The following L3MBTL3 variants were observed in gnomAD, a reference collection of about 807,000 sequenced individuals.
The protein encoded by L3MBTL3 is lethal(3)malignant brain tumor-like protein 3.
In L3MBTL3, 27 loss-of-function variants were observed where a neutral mutation model predicts 102.3. The observed-to-expected ratio is 0.26, with a 90% CI of 0.19 to 0.36. L3MBTL3 has a LOEUF of 0.36. Ranked by LOEUF, L3MBTL3 falls within the 10% of genes least tolerant of loss-of-function variation. The pLI, the probability that L3MBTL3 is intolerant of heterozygous loss-of-function variation, is 1.00. For missense variants in L3MBTL3, 798 were observed against 955.3 expected (o/e 0.84, Z 2.17); for synonymous variants, 340 against 320.9 (o/e 1.06, Z -0.64).
At position 130,118,753 on chromosome 6, in the gene L3MBTL3, A is replaced by G. The variant is rs563745664; in HGVS notation, c.1887-2126A>G. Among the ~76,000 whole-genome samples the G allele has an allele frequency of 2.0e-5, 3 of 152,336 alleles. No individual in the cohort carries two copies. The South Asian group carries it at 6.2e-4, about 32-fold the overall frequency. Reference sequence around the variant, plus strand: ...TTAAAACTGGGACAGTGAAAACTGAACATGCTTCTATAATGAAGCAACATA... The same window carrying G: ...TTAAAACTGGGACAGTGAAAACTGAGCATGCTTCTATAATGAAGCAACATA... On this transcript the variant is annotated intron_variant, in intron 19 of 22. Transcript: ENST00000361794.
At chr6:130,105,251 C>T (rs1030138635) in intron 19 of L3MBTL3, among the ~76,000 whole-genome samples, 1 of 152,110 alleles carries the variant, frequency 6.6e-6, no homozygotes, top group Non-Finnish European at 1.5e-5. Flanking sequence ...CCTAAGGCTA[C>T]CTAGTTTATT....
chr6:130,028,379 C>T (rs1779490414), intron 2 of L3MBTL3, among the ~76,000 whole-genome samples: 1 of 152,180 alleles, frequency 6.6e-6, no homozygotes, highest in Non-Finnish European at 1.5e-5. Context: ...GATGGAACCG[C>T]TGTAATGACT....
intron 5 of L3MBTL3, 60 bp downstream of exon 5, chr6:130,049,890 C>G: frequency 1.9e-6 from 3 of 1,550,250 alleles, no homozygotes; most frequent in Admixed American, 1.9e-5. Flanking sequence ...CTCCCCTCCC[C>G]ACAAACCTGC....
chr6:130,065,301 A>G (rs980184607), intron 10 of L3MBTL3, among the ~76,000 whole-genome samples: 2 of 152,188 alleles, frequency 1.3e-5, no homozygotes, highest in East Asian at 1.9e-4. Context: ...ATGTATGCAT[A>G]TGTGTGTATA....
intron 19 of L3MBTL3, among the ~76,000 whole-genome samples, chr6:130,106,341 G>C (rs1056949090): frequency 2.0e-5 from 3 of 152,098 alleles, no homozygotes; most frequent in African/African-American, 4.8e-5. Context: ...AAAAATGAGT[G>C]GGTTTGAAAG....
chr6:130,084,700 A>G (rs1783569903), intron 15 of L3MBTL3, among the ~76,000 whole-genome samples: 1 of 152,238 alleles, frequency 6.6e-6, no homozygotes, highest in Non-Finnish European at 1.5e-5. Flanking sequence ...AACGAATAAA[A>G]TTACATACAG....
intron 15 of L3MBTL3, among the ~76,000 whole-genome samples, chr6:130,084,472 A>T (rs954948417): frequency 6.6e-6 from 1 of 152,176 alleles, no homozygotes; most frequent in African/African-American, 2.4e-5. Context: ...TATGAGGTAT[A>T]GGTCCAAATT....
intron 15 of L3MBTL3, among the ~76,000 whole-genome samples, chr6:130,085,386 C>A (rs1783620048): frequency 6.6e-6 from 1 of 152,156 alleles, no homozygotes; most frequent in African/African-American, 2.4e-5. Flanking sequence ...TCCATTACCA[C>A]TTCTAATTTT....
chr6:130,092,934 T>A, intron 17 of L3MBTL3, 75 bp downstream of exon 17: 1 of 886,494 alleles, frequency 1.1e-6, no homozygotes, highest in Non-Finnish European at 1.9e-6. Flanking sequence ...TCCTTAGCCC[T>A]TTCTTTTTCT....
intron 20 of L3MBTL3, among the ~76,000 whole-genome samples, chr6:130,131,150 A>C (rs59998617): frequency 6.6e-6 from 1 of 152,076 alleles, no homozygotes; most frequent in African/African-American, 2.4e-5. Flanking sequence ...TATTGTAAAG[A>C]AGTCATTTCT....
intron 18 of L3MBTL3, among the ~76,000 whole-genome samples, chr6:130,103,971 G>A (rs1784842775): frequency 1.3e-5 from 2 of 152,224 alleles, no homozygotes. Flanking sequence ...CCTTTGGAGG[G>A]TAATAACTAT....
At chr6:130,082,881 A>C (rs777435660) in intron 14 of L3MBTL3, among the ~76,000 whole-genome samples, 2 of 152,224 alleles carry the variant, frequency 1.3e-5, no homozygotes, top group African/African-American at 4.8e-5. Context: ...TTCCAATTCA[A>C]ATCCAACACA....
At chr6:130,051,140 C>G in intron 5 of L3MBTL3, 109 bp from the exon 6 acceptor site, 3 of 857,236 alleles carry the variant, frequency 3.5e-6, no homozygotes, top group Non-Finnish European at 5.4e-6. Context: ...TCAGCAAACA[C>G]TATTCTTTAT....
At chr6:130,056,085 G>A (rs1468472200) in intron 8 of L3MBTL3, among the ~76,000 whole-genome samples, 4 of 151,998 alleles carry the variant, frequency 2.6e-5, no homozygotes, top group Non-Finnish European at 5.9e-5. Flanking sequence ...GCACCACCAA[G>A]CCTGGCTAAT....
intron 20 of L3MBTL3, among the ~76,000 whole-genome samples, chr6:130,123,877 A>G (rs1039470021): frequency 1.3e-5 from 2 of 152,142 alleles, no homozygotes; most frequent in Non-Finnish European, 1.5e-5. Context: ...CTCGGAGCCT[A>G]GTCAGTGGGT....
intron 16 of L3MBTL3, among the ~76,000 whole-genome samples, chr6:130,090,933 G>A (rs1047380316): frequency 2.0e-5 from 3 of 152,000 alleles, no homozygotes; most frequent in Non-Finnish European, 4.4e-5. Flanking sequence ...TTATATTTAT[G>A]TTTTGGATAA....
At chr6:130,075,426 A>T (rs1782888754) in intron 13 of L3MBTL3, among the ~76,000 whole-genome samples, 1 of 152,034 alleles carries the variant, frequency 6.6e-6, no homozygotes, top group South Asian at 2.1e-4. Context: ...CAGGGGTAGG[A>T]TGTGTTTGGG....
At chr6:130,084,425 T>G (rs550003847) in intron 15 of L3MBTL3, among the ~76,000 whole-genome samples, 14 of 152,298 alleles carry the variant, frequency 9.2e-5, no homozygotes, top group South Asian at 4.1e-4. Context: ...CATCCTTTTA[T>G]GTATAAATTG....
intron 19 of L3MBTL3, among the ~76,000 whole-genome samples, chr6:130,115,168 T>C (rs1785583703): frequency 6.6e-6 from 1 of 152,178 alleles, no homozygotes; most frequent in Admixed American, 6.5e-5. Context: ...ACAAGTCTCT[T>C]TCAGTTCTGC....
Sources: allele counts gnomAD v4.1 joint callset (sites outside exome capture counted in the v4.1 genomes callset), GRCh38; gene constraint gnomAD v4.1.1; transcripts MANE v1.5; gene names NCBI Gene and HGNC (gene_info 2026-07-23, HGNC 2026-07-21).